The following TUB variants were observed in gnomAD, a reference collection of about 807,000 sequenced individuals.
TUB encodes tubby protein homolog.
TUB carries 33 observed loss-of-function variants against 59.7 expected under a neutral mutation model. The observed-to-expected ratio is 0.55, with a 90% CI of 0.42 to 0.74. The LOEUF is 0.74. TUB is among the 30% of genes least tolerant of loss of function. The pLI is 0.00. For synonymous variants in TUB, 293 were observed against 256.4 expected (o/e 1.14, Z -1.36); for missense variants, 659 against 672.0 (o/e 0.98, Z 0.21).
chr11:8,089,574 C>A (rs1317500), intron 1 of TUB, 36 bp from the exon 2 acceptor site: 14 of 1,613,778 alleles, frequency 8.7e-6, no homozygotes, highest in Non-Finnish European at 1.2e-5. Flanking sequence ...TGGCACCTCA[C>A]GGGCAAGCCC....
Position 8,074,419 on chromosome 11 carries a change from A to G in TUB, c.204-15191A>G, listed in dbSNP as rs549829479. On this transcript the variant is annotated intron_variant, in intron 2 of 12. Transcript: ENST00000305253. ...CACCTAAAATATTGTATTCCATCTG[A>G]TAAATCCATTACTTTGTCATTAAAA... Among the ~76,000 whole-genome samples the G allele has an allele frequency of 6.6e-5, 10 of 152,224 alleles. 1 individual carries two copies. The highest frequency in any genetic ancestry group is 2.4e-4 in the African/African-American group (10 of 41,552).
At position 8,105,982 on chromosome 11, in the gene TUB, A is replaced by G; in HGVS notation, c.*4363A>G. 6.6e-6 allele frequency: 1 copy of G among 151,996 alleles called. No individual in the cohort carries two copies. Among genetic ancestry groups the G allele is most frequent in the East Asian group, 1.9e-4 (1 of 5,198 alleles). The allele number at this position is 151,996 out of a possible 1,614,324, so 9.4% of individuals were successfully genotyped here. On this transcript the variant is annotated 3_prime_UTR_variant, in exon 12 of 12. Transcript: ENST00000299506. ...CTAGACTGTGTATGTCTATTTGCACAAGATTGTCTTTTCCTATTTTGGAGT... is the reference window on the plus strand; with the variant it reads ...CTAGACTGTGTATGTCTATTTGCACGAGATTGTCTTTTCCTATTTTGGAGT...
upstream of TUB, among the ~76,000 whole-genome samples, chr11:8,036,820 G>C (rs1046412949): frequency 6.6e-6 from 1 of 152,122 alleles, no homozygotes; most frequent in African/African-American, 2.4e-5. Context: ...TCAGTAGCAC[G>C]GGCCCCATGG....
rs199733844 is a variant in TUB at position 8,101,613 on chromosome 11, C to T, written c.1515C>T (p.Cys505=). The T allele has an allele frequency of 1.1e-4, 173 of 1,614,138 alleles. No homozygotes were observed. Among genetic ancestry groups the T allele is most frequent in the Non-Finnish European group, 1.4e-4 (163 of 1,179,992 alleles). ...CCAGCTTCGACAGCAAGCTGGCGTG[C>T]GAGTAGAGGCCTCTTCGTGCCCTTT... ...ALSSFDSKLA[C]E The change falls in exon 12 of 12, where the codon TGC becomes TGT. Residue 505 remains cysteine (C), a synonymous_variant. Transcript: ENST00000299506.
chr11:8,097,436 T>A lies in TUB; in HGVS notation c.885+11T>A, dbSNP rs1483965329. The A allele has an allele frequency of 6.2e-7, 1 of 1,614,198 alleles. No homozygotes were observed. Among genetic ancestry groups the A allele is most frequent in the Admixed American group, 1.7e-5 (1 of 60,028 alleles). On this transcript the variant is annotated intron_variant, in intron 7 of 11. Coordinates refer to ENST00000299506, the MANE Select transcript of TUB (RefSeq NM_177972.3). ...GAGGATGGGAAGAAGGTAAGGTTGG[T>A]CTGGGCATGTTATCATCTAGGCTTT...
chr11:8,101,019 CATT>C, intron 11 of TUB, 22 bp downstream of exon 11: 1 of 1,613,644 alleles, frequency 6.2e-7, no homozygotes, highest in Non-Finnish European at 8.5e-7. Context: ...TGTCCCTACT[CATT>C]ATGGTCCGTA....
At chr11:8,078,421 A>G (rs1943484632), upstream of TUB, among the ~76,000 whole-genome samples, 1 of 152,118 alleles carries the variant, frequency 6.6e-6, no homozygotes, top group South Asian at 2.1e-4. Context: ...CCCTTCTTCG[A>G]GGGTCATGGT....
chr11:8,022,985 G>T (rs1942451937), intron 1 of TUB, among the ~76,000 whole-genome samples: 1 of 152,198 alleles, frequency 6.6e-6, no homozygotes, highest in South Asian at 2.1e-4. Context: ...AGATTCTGTG[G>T]ATCAGCAATT....
intron 2 of TUB, among the ~76,000 whole-genome samples, chr11:8,054,468 C>G (rs1466992687): frequency 1.3e-5 from 2 of 151,106 alleles, no homozygotes; most frequent in African/African-American, 2.4e-5. Flanking sequence ...GAGAGAGAGA[C>G]AGAGAGAGAG....
intron 2 of TUB, among the ~76,000 whole-genome samples, chr11:8,074,414 A>G (rs955389321): frequency 7.9e-5 from 12 of 152,222 alleles, no homozygotes; most frequent in Middle Eastern, 3.4e-3. Flanking sequence ...ATTGTATTCC[A>G]TCTGATAAAT....
intron 2 of TUB, among the ~76,000 whole-genome samples, chr11:8,064,886 A>G (rs778493020): frequency 1.3e-5 from 2 of 152,108 alleles, no homozygotes; most frequent in Non-Finnish European, 2.9e-5. Context: ...GTATCAAAGG[A>G]CTCCGCAAAC....
chr11:8,038,522 C>G, upstream of TUB: 1 of 878,808 alleles, frequency 1.1e-6, no homozygotes. Flanking sequence ...CCGCAGTGCA[C>G]TTGTCTCTGC....
chr11:8,040,175 T>A (rs1942723906), intron 2 of TUB, among the ~76,000 whole-genome samples: 1 of 152,320 alleles, frequency 6.6e-6, no homozygotes, highest in South Asian at 2.1e-4. Context: ...CCAAGCCTGC[T>A]TTCTAACATC....
chr11:8,027,009 C>T (rs1038210364), intron 1 of TUB, among the ~76,000 whole-genome samples: 3 of 152,098 alleles, frequency 2.0e-5, no homozygotes, highest in Non-Finnish European at 2.9e-5. Flanking sequence ...TCCCTAAATT[C>T]TGCATATTTT....
In TUB at chr11:8,095,529, C is replaced by G. The variant is rs1460980581; in HGVS notation, c.429C>G (p.Asp143Glu). The G allele has an allele frequency of 6.2e-7, 1 of 1,612,566 alleles. No individual in the cohort carries two copies. The highest frequency in any genetic ancestry group is 2.2e-5 in the East Asian group (1 of 44,882). Residue 143 changes from aspartate (D) to glutamate (E), a missense_variant, in exon 5 of 12, where the codon GAC (aspartate) becomes GAG (glutamate). Transcript: ENST00000299506. Reference sequence around the variant, plus strand: ...GCGGGCCAGCAGCACTGGCAGAAGACAAGTCTGAGGCCCAAGGCCCAGTGC... The same window carrying G: ...GCGGGCCAGCAGCACTGGCAGAAGAGAAGTCTGAGGCCCAAGGCCCAGTGC... The part of the protein sequence containing the change: ...GTSGPAALAE[D>E]KSEAQGPVQI...
chr11:8,026,102 T>C (rs1440720912), intron 1 of TUB, among the ~76,000 whole-genome samples: 1 of 152,248 alleles, frequency 6.6e-6, no homozygotes, highest in Non-Finnish European at 1.5e-5. Flanking sequence ...TTGCTATCCA[T>C]ATCTCTTCTT....
chr11:8,028,003 T>A (rs977533715), intron 1 of TUB, among the ~76,000 whole-genome samples: 2 of 152,246 alleles, frequency 1.3e-5, no homozygotes, highest in African/African-American at 4.8e-5. Context: ...TTTAGCTTTT[T>A]GAGAAACCGT....
chr11:8,074,148 GTCTTC>G (rs1432052612), intron 2 of TUB, among the ~76,000 whole-genome samples: 3 of 151,518 alleles, frequency 2.0e-5, no homozygotes, highest in South Asian at 4.2e-4. Context: ...TTTATCGTCT[GTCTTC>G]TCTTAACATT....
chr11:8,023,834 T>A (rs1181644586), intron 1 of TUB, among the ~76,000 whole-genome samples: 1 of 152,220 alleles, frequency 6.6e-6, no homozygotes, highest in East Asian at 1.9e-4. Context: ...TTTCCACAGC[T>A]TGGCACCCCA....
Sources: allele counts gnomAD v4.1 joint callset (sites outside exome capture counted in the v4.1 genomes callset), GRCh38; gene constraint gnomAD v4.1.1; transcripts MANE v1.5; gene names NCBI Gene and HGNC (gene_info 2026-07-23, HGNC 2026-07-21).